The following FTO variants were observed in gnomAD, a reference collection of about 807,000 sequenced individuals.
The protein encoded by FTO is FTO alpha-ketoglutarate dependent dioxygenase.
A neutral mutation model predicts 63.9 loss-of-function variants in FTO; 47 were observed. The observed-to-expected ratio is 0.74, with a 90% CI of 0.58 to 0.94. The LOEUF is 0.94. Among genes scored for constraint, FTO ranks in the 40% least tolerant of loss-of-function variants. The pLI is 0.00. For missense variants in FTO, 562 were observed against 618.1 expected, an observed-to-expected ratio of 0.91 and a Z score of 0.96; for synonymous variants, 207 against 224.4, an observed-to-expected ratio of 0.92 and a Z score of 0.69.
chr16:53,826,514 G>T (rs942961865), intron 3 of FTO, 23 bp downstream of exon 3: 2 of 1,612,834 alleles, frequency 1.2e-6, no homozygotes, highest in African/African-American at 2.7e-5. Context: ...CTTGGAAAAA[G>T]CAGCCCTGTA....
At chr16:54,084,732 A>T (rs2086223014) in intron 8 of FTO, among the ~76,000 whole-genome samples, 1 of 152,154 alleles carries the variant, frequency 6.6e-6, no homozygotes, top group Non-Finnish European at 1.5e-5. Context: ...TTTGTATCCC[A>T]CTGAGTCCTG....
intron 8 of FTO, among the ~76,000 whole-genome samples, chr16:53,977,282 A>G (rs1197544579): frequency 2.0e-5 from 3 of 152,166 alleles, no homozygotes; most frequent in Non-Finnish European, 4.4e-5. Context: ...AATGTGGCCT[A>G]TTACATTATT....
chr16:53,853,825 C>T (rs1316078278), intron 4 of FTO, among the ~76,000 whole-genome samples: 2 of 152,052 alleles, frequency 1.3e-5, no homozygotes, highest in African/African-American at 2.4e-5. Context: ...ACTTCTTTTT[C>T]AGGTAGATAC....
At chr16:54,056,559 T>G (rs956373937) in intron 8 of FTO, among the ~76,000 whole-genome samples, 18 of 152,160 alleles carry the variant, frequency 1.2e-4, no homozygotes, top group Non-Finnish European at 4.4e-5. Flanking sequence ...CCACTTATGA[T>G]CTCTTTCTGT....
chr16:53,728,882 C>A (rs562800021), intron 1 of FTO, among the ~76,000 whole-genome samples: 9 of 151,590 alleles, frequency 5.9e-5, no homozygotes, highest in African/African-American at 1.9e-4. Context: ...CCTGCCTCAG[C>A]CTCCAAGTAG....
At chr16:53,833,474 G>A (rs952423308) in intron 3 of FTO, among the ~76,000 whole-genome samples, 8 of 152,042 alleles carry the variant, frequency 5.3e-5, no homozygotes, top group African/African-American at 1.9e-4. Flanking sequence ...CCATCTTTTG[G>A]CTATGGTGGA....
At chr16:53,885,669 T>G (rs1175092848) in intron 6 of FTO, among the ~76,000 whole-genome samples, 1 of 152,214 alleles carries the variant, frequency 6.6e-6, no homozygotes, top group Non-Finnish European at 1.5e-5. Flanking sequence ...TAACAGATAG[T>G]AGGCAGTAAT....
intron 7 of FTO, among the ~76,000 whole-genome samples, chr16:53,921,060 T>C (rs1217929607): frequency 6.6e-6 from 1 of 152,156 alleles, no homozygotes; most frequent in Non-Finnish European, 1.5e-5. Context: ...ATATGTTCAG[T>C]GATGCAGGCA....
chr16:53,722,000 T>G (rs556155818), intron 1 of FTO, among the ~76,000 whole-genome samples: 2 of 152,296 alleles, frequency 1.3e-5, no homozygotes, highest in South Asian at 2.1e-4. Flanking sequence ...ACTTTGGAGA[T>G]CTACAAAAAG....
intron 4 of FTO, among the ~76,000 whole-genome samples, chr16:53,860,984 A>G (rs1222496830): frequency 6.6e-6 from 1 of 152,150 alleles, no homozygotes; most frequent in Non-Finnish European, 1.5e-5. Context: ...ATGTATATGT[A>G]TATTAAAACG....
Position 54,111,974 on chromosome 16 carries a change from G to A in FTO, c.*59G>A. 6.3e-7 allele frequency: 1 copy of A among 1,597,490 alleles called. No homozygotes were observed. The highest frequency in any genetic ancestry group is 8.6e-7 in the Non-Finnish European group (1 of 1,166,176). On this transcript the variant is annotated 3_prime_UTR_variant, in exon 9 of 9. Coordinates refer to ENST00000471389, the MANE Select transcript of FTO (RefSeq NM_001080432.3). ...AGATCGGCTTTTCTCCTCCAACGTTGTCATGGGCTTAAGCAAGAGCAGTGG... is the reference window on the plus strand; with the variant it reads ...AGATCGGCTTTTCTCCTCCAACGTTATCATGGGCTTAAGCAAGAGCAGTGG...
chr16:53,831,726 G>A (rs1018115649), intron 3 of FTO, among the ~76,000 whole-genome samples: 10 of 152,182 alleles, frequency 6.6e-5, no homozygotes, highest in African/African-American at 2.4e-4. Context: ...CTTGTTAAAG[G>A]GGTAACATTT....
At chr16:53,735,929 TCTC>T (rs1424681318) in intron 1 of FTO, among the ~76,000 whole-genome samples, 3 of 152,174 alleles carry the variant, frequency 2.0e-5, no homozygotes, top group African/African-American at 4.8e-5. Flanking sequence ...GACCCTTCCT[TCTC>T]CTTCTTACTG....
At chr16:53,968,308 TGGTATCTGG>T (rs1354330599) in intron 8 of FTO, among the ~76,000 whole-genome samples, 1 of 152,204 alleles carries the variant, frequency 6.6e-6, no homozygotes, top group African/African-American at 2.4e-5. Context: ...AAGCCTAATT[TGGTATCTGG>T]GGTATCAGTA....
chr16:53,925,036 TTTC>T (rs1482478504), intron 7 of FTO, among the ~76,000 whole-genome samples: 4 of 151,274 alleles, frequency 2.6e-5, no homozygotes, highest in Non-Finnish European at 4.4e-5. Flanking sequence ...GTTCTGTGCC[TTTC>T]TTCTTTTTTT....
chr16:53,786,725 A>T (rs917461744), intron 1 of FTO, among the ~76,000 whole-genome samples: 10 of 152,140 alleles, frequency 6.6e-5, no homozygotes, highest in Admixed American at 2.6e-4. Flanking sequence ...GGTACCCTGA[A>T]GCCATTAACT....
At chr16:53,958,534 G>A (rs778465526) in intron 8 of FTO, among the ~76,000 whole-genome samples, 14 of 152,190 alleles carry the variant, frequency 9.2e-5, no homozygotes, top group Non-Finnish European at 2.1e-4. Context: ...AAAAGAGAGA[G>A]CGAGATTAAG....
chr16:53,893,369 C>T (rs1171500054), intron 7 of FTO, among the ~76,000 whole-genome samples: 1 of 152,112 alleles, frequency 6.6e-6, no homozygotes, highest in Non-Finnish European at 1.5e-5. Context: ...TGAGAAGACT[C>T]TTCAGGATAA....
At chr16:54,001,742 G>T (rs1338641397) in intron 8 of FTO, among the ~76,000 whole-genome samples, 1 of 152,068 alleles carries the variant, frequency 6.6e-6, no homozygotes, top group Non-Finnish European at 1.5e-5. Flanking sequence ...CTTCTAGTTG[G>T]TCTCTGAAAT....
Sources: gnomAD v4.1 joint callset for allele counts (sites outside exome capture counted in the v4.1 genomes callset) on GRCh38, gnomAD v4.1.1 for gene constraint, MANE v1.5 for transcripts, NCBI Gene and HGNC (gene_info 2026-07-23, HGNC 2026-07-21) for gene names.